PATL2: variants seen among roughly 807,000 people sequenced by gnomAD.
The protein encoded by PATL2 is PAT1 homolog 2.
A neutral mutation model predicts 77.0 loss-of-function variants in PATL2; 73 were observed. The observed-to-expected ratio is 0.95, with a 90% confidence interval of 0.78 to 1.15. The LOEUF is 1.15. Ranked by LOEUF, PATL2 falls within the 50% of genes most tolerant of loss-of-function variation. The probability of loss-of-function intolerance (pLI) is 0.00; values close to 1 mark genes in which losing one functional copy is unlikely to be tolerated. For missense variants in PATL2, 618 were observed against 655.4 expected, an observed-to-expected ratio of 0.94 and a Z score of 0.62; for synonymous variants, 265 against 257.1, an observed-to-expected ratio of 1.03 and a Z score of -0.29.
intron 3 of PATL2, among the ~76,000 whole-genome samples, chr15:44,677,591 G>A (rs901294383): frequency 6.6e-5 from 10 of 152,084 alleles, no homozygotes; most frequent in African/African-American, 2.4e-4. Context: ...TAACCCTCAA[G>A]CAACCCTGGG....
chr15:44,673,389 A>G lies in PATL2; in HGVS notation c.304-12T>C, dbSNP rs765993181. The G allele has an allele frequency of 3.2e-6, 5 of 1,551,530 alleles. No individual in the cohort carries two copies. The South Asian group carries it at 5.9e-5, about 18-fold the overall frequency. On this transcript the variant is annotated splice_polypyrimidine_tract_variant and intron_variant, in intron 6 of 17. Coordinates refer to ENST00000682850, the MANE Select transcript of PATL2 (RefSeq NM_001387263.1). ...AGGTAGTCCAAGGTCTGAGAGAGGA[A>G]TTAAGAGGTCTGGGAGAACGCCATC...
rs1294867672 is a variant in PATL2 at position 44,668,980 on chromosome 15, C to A, written c.1224G>T (p.Gln408His). ...TCTTCTCCACTCAATGCCACAGTAC[C>A]TGATCAGCCACATCCCTCCGGACCA... ...PLLVRRDVAD[Q>H]ALQMLFKPLG... The change falls in exon 14 of 18, where the codon CAG becomes CAT. Residue 408 changes from glutamine (Q) to histidine (H), a missense_variant and splice_region_variant. Coordinates refer to ENST00000682850, the MANE Select transcript of PATL2 (RefSeq NM_001387263.1). 1.3e-6 allele frequency: 2 copies of A among 1,539,114 alleles called. No homozygotes were observed. Among genetic ancestry groups the A allele is most frequent in the Non-Finnish European group, 1.8e-6 (2 of 1,139,672 alleles).
Position 44,669,828 on chromosome 15 carries a change from G to T in PATL2, c.825C>A (p.Cys275Ter). The change falls in exon 11 of 18, where the codon TGC becomes TGA. Residue 275 changes from cysteine (C) to a stop codon, truncating the protein, a stop_gained. Coordinates refer to ENST00000682850, the MANE Select transcript of PATL2 (RefSeq NM_001387263.1). LOFTEE classifies it high-confidence loss of function. ...GSLGQVAVSTCFSPRRAIDAV... is the reference protein window; with the variant it reads ...GSLGQVAVST Reference sequence around the variant, plus strand: ...CATCAATAGCTCGGCGAGGGCTGAAGCATGTCGACACAGCTACCTGGCCCA... The same window carrying T: ...CATCAATAGCTCGGCGAGGGCTGAATCATGTCGACACAGCTACCTGGCCCA... 6.4e-7 allele frequency: 1 copy of T among 1,551,682 alleles called. No homozygotes were observed. The highest frequency in any genetic ancestry group is 1.7e-4 in the Middle Eastern group (1 of 5,992).
At chr15:44,681,229 G>T (rs552327596) in intron 3 of PATL2, among the ~76,000 whole-genome samples, 4 of 152,178 alleles carry the variant, frequency 2.6e-5, no homozygotes, top group Non-Finnish European at 4.4e-5. Flanking sequence ...TTTTTGCCCA[G>T]ACTGGTCTCA....
At chr15:44,667,934 C>A (rs2141165477) in intron 15 of PATL2, among the ~76,000 whole-genome samples, 1 of 152,136 alleles carries the variant, frequency 6.6e-6, no homozygotes, top group East Asian at 1.9e-4. Flanking sequence ...CAGAGCGAGA[C>A]TATCTAAAAA....
chr15:44,672,251 G>A, intron 8 of PATL2, 95 bp from the exon 9 acceptor site: 3 of 1,540,986 alleles, frequency 1.9e-6, no homozygotes, highest in Non-Finnish European at 2.6e-6. Flanking sequence ...TGGGAAGGAT[G>A]GAGCAAGCAC....
chr15:44,666,593 C>T, intron 16 of PATL2, 52 bp from the exon 17 acceptor site: 1 of 1,449,490 alleles, frequency 6.9e-7, no homozygotes, highest in South Asian at 1.5e-5. Flanking sequence ...AAGAAACAGA[C>T]TCAGGGCCAA....
rs181576645 is a variant in PATL2 at position 44,707,278 on chromosome 15, A to C, written c.-76+2818T>G. Among the ~76,000 whole-genome samples the C allele has an allele frequency of 4.7e-3, 707 of 151,702 alleles. 9 individuals are homozygous for C. Among genetic ancestry groups the C allele is most frequent in the Non-Finnish European group, 4.0e-3 (272 of 67,918 alleles). On this transcript the variant is annotated intron_variant, in intron 3 of 17. Coordinates refer to ENST00000682850, the MANE Select transcript of PATL2 (RefSeq NM_001387263.1). Reference sequence around the variant, plus strand: ...TGGCCAAGTCCCCTTTACTCTTTCCACTTCTTTTCTCAAGCAGAAGGAATT... The same window carrying C: ...TGGCCAAGTCCCCTTTACTCTTTCCCCTTCTTTTCTCAAGCAGAAGGAATT...
chr15:44,697,704 GA>G (rs1486653515), intron 3 of PATL2, among the ~76,000 whole-genome samples: 1 of 151,964 alleles, frequency 6.6e-6, no homozygotes, highest in Non-Finnish European at 1.5e-5. Flanking sequence ...TCCCTTCTCG[GA>G]AAGTGCCAAG....
Position 44,669,128 on chromosome 15 carries a change from T to C in PATL2, c.1076A>G (p.Asp359Gly). The change falls in exon 14 of 18, where the codon GAT (aspartate) becomes GGT (glycine). Residue 359 changes from aspartate (D) to glycine (G), a missense_variant. Asp to Gly is a moderately conservative substitution (Grantham distance 94). Transcript: ENST00000682850. ...QEQNNLEEAA[D>G]GFLQVLSVRK... ...CACAGAGAGCACCTGCAGGAAGCCA[T>C]CTGCTGCCTCTCTGCAAGGGAGAGA... The C allele has an allele frequency of 6.5e-7, 1 of 1,541,556 alleles. No individual in the cohort carries two copies. The highest frequency in any genetic ancestry group is 1.2e-5 in the South Asian group (1 of 83,084).
At chr15:44,694,786 C>T (rs897934527) in intron 3 of PATL2, among the ~76,000 whole-genome samples, 2 of 152,152 alleles carry the variant, frequency 1.3e-5, no homozygotes, top group East Asian at 1.9e-4. Flanking sequence ...ACCACTGTTA[C>T]GACCCATTGG....
chr15:44,676,255 G>C, intron 4 of PATL2: 1 of 569,886 alleles, frequency 1.8e-6, no homozygotes, highest in Non-Finnish European at 3.2e-6. Flanking sequence ...ACAGTAATAT[G>C]AGGCTGTCCT....
intron 3 of PATL2, among the ~76,000 whole-genome samples, chr15:44,684,961 G>T (rs1343492201): frequency 6.6e-6 from 1 of 152,194 alleles, no homozygotes; most frequent in Non-Finnish European, 1.5e-5. Context: ...TTCAAGGAAA[G>T]AATTTTCAAC....
chr15:44,709,284 T>C (rs1349064296), intron 3 of PATL2, among the ~76,000 whole-genome samples: 1 of 152,176 alleles, frequency 6.6e-6, no homozygotes, highest in Non-Finnish European at 1.5e-5. Flanking sequence ...TTTACTACTT[T>C]GAATAAATGT....
chr15:44,705,736 G>A (rs2086720855), intron 3 of PATL2, among the ~76,000 whole-genome samples: 1 of 148,102 alleles, frequency 6.8e-6, no homozygotes, highest in African/African-American at 2.5e-5. Flanking sequence ...TAATCTCTTT[G>A]TTAAAGTTAT....
chr15:44,668,900 G>A, intron 14 of PATL2, 80 bp downstream of exon 14: 1 of 1,418,676 alleles, frequency 7.0e-7, no homozygotes, highest in Non-Finnish European at 9.3e-7. Flanking sequence ...GCATCTCTGG[G>A]GCATGTGGGG....
At chr15:44,686,276 A>G (rs1201727533) in intron 3 of PATL2, among the ~76,000 whole-genome samples, 1 of 152,210 alleles carries the variant, frequency 6.6e-6, no homozygotes, top group Non-Finnish European at 1.5e-5. Flanking sequence ...GCAAAACTAC[A>G]TGGAAACTGA....
chr15:44,672,164 C>A lies in PATL2; in HGVS notation c.516-8G>T. ...GGCTTCTTGGCTGGGGGACTTTAAG[C>A]CAGGAGGAACAACCCTTTAGACTTA... On this transcript the variant is annotated splice_region_variant and splice_polypyrimidine_tract_variant and intron_variant, in intron 8 of 17. Transcript: ENST00000682850. 6.4e-7 allele frequency: 1 copy of A among 1,551,650 alleles called. No individual in the cohort carries two copies. The highest frequency in any genetic ancestry group is 8.7e-7 in the Non-Finnish European group (1 of 1,146,988).
rs1336958025 is a variant in PATL2 at position 44,669,105 on chromosome 15, C to G, written c.1099G>C (p.Val367Leu). The G allele has an allele frequency of 1.4e-5, 22 of 1,547,162 alleles. No homozygotes were observed. The highest frequency in any genetic ancestry group is 2.0e-5 in the Admixed American group (1 of 50,448). Residue 367 changes from valine to leucine, a missense_variant, in exon 14 of 18, where the codon GTG becomes CTG. Coordinates refer to ENST00000682850, the MANE Select transcript of PATL2 (RefSeq NM_001387263.1). ...GCCACCAGGGCCTTCCCCTTCCTCA[C>G]AGAGAGCACCTGCAGGAAGCCATCT... ...AADGFLQVLS[V>L]RKGKALVARL...
Sources: allele counts gnomAD v4.1 joint callset (sites outside exome capture counted in the v4.1 genomes callset), GRCh38; gene constraint gnomAD v4.1.1; transcripts MANE v1.5; gene names NCBI Gene and HGNC (gene_info 2026-07-23, HGNC 2026-07-21).